CDH2: variants seen among roughly 807,000 people sequenced by gnomAD.
The protein encoded by CDH2 is cadherin-2.
CDH2 carries 17 observed loss-of-function variants against 92.0 expected under a neutral mutation model. That is an observed-to-expected ratio of 0.18 (90% confidence interval 0.13 to 0.28). CDH2 has a LOEUF of 0.28. CDH2 is among the 10% of genes least tolerant of loss of function. The pLI is 1.00. For missense variants in CDH2, 862 were observed against 1,133.1 expected (o/e 0.76, Z 3.44); for synonymous variants, 419 against 415.9 (o/e 1.01, Z -0.09).
intron 2 of CDH2, among the ~76,000 whole-genome samples, chr18:28,042,298 T>C (rs1037194546): frequency 1.3e-5 from 2 of 152,204 alleles, no homozygotes; most frequent in African/African-American, 4.8e-5. Context: ...ATTACTTTAG[T>C]AGCATTCCAG....
chr18:27,985,844 A>AC, intron 11 of CDH2, 83 bp from the exon 12 acceptor site: 1 of 813,766 alleles, frequency 1.2e-6, no homozygotes, highest in South Asian at 1.7e-5. Flanking sequence ...CAAAGCTTCT[A>AC]ACCTTCTGGC....
At chr18:28,021,544 T>C (rs2013410886) in intron 2 of CDH2, among the ~76,000 whole-genome samples, 1 of 152,002 alleles carries the variant, frequency 6.6e-6, no homozygotes, top group Admixed American at 6.6e-5. Flanking sequence ...TATTGTGTTC[T>C]AGCCCACATA....
intron 14 of CDH2, among the ~76,000 whole-genome samples, chr18:27,972,552 T>C (rs1312893516): frequency 6.6e-6 from 1 of 152,120 alleles, no homozygotes; most frequent in Non-Finnish European, 1.5e-5. Flanking sequence ...ACAGAACAAA[T>C]ATGCAACAAT....
chr18:28,069,614 C>G (rs191801948), intron 2 of CDH2, among the ~76,000 whole-genome samples: 130 of 152,238 alleles, frequency 8.5e-4, no homozygotes, highest in African/African-American at 2.9e-3. Flanking sequence ...CATTTACTAT[C>G]TCATCTATAT....
intron 2 of CDH2, among the ~76,000 whole-genome samples, chr18:28,072,552 T>A (rs2014639120): frequency 1.3e-5 from 2 of 152,218 alleles, no homozygotes; most frequent in Admixed American, 1.3e-4. Flanking sequence ...TAAACACTTG[T>A]ATCCTCTACA....
intron 7 of CDH2, among the ~76,000 whole-genome samples, chr18:27,995,954 G>T (rs1399680543): frequency 6.6e-6 from 1 of 152,146 alleles, no homozygotes; most frequent in East Asian, 1.9e-4. Flanking sequence ...GCCTAATTTG[G>T]TCATTGGGCA....
At chr18:27,965,216 TGA>T (rs1207054819) in intron 14 of CDH2, among the ~76,000 whole-genome samples, 1 of 152,192 alleles carries the variant, frequency 6.6e-6, no homozygotes, top group Non-Finnish European at 1.5e-5. Flanking sequence ...TTATGCTAAT[TGA>T]GATACTCTGA....
intron 1 of CDH2, among the ~76,000 whole-genome samples, chr18:28,173,923 G>A (rs934258272): frequency 1.3e-5 from 2 of 152,082 alleles, no homozygotes; most frequent in African/African-American, 4.8e-5. Context: ...CTTTTATCAG[G>A]TAAGCTGAAT....
intron 2 of CDH2, among the ~76,000 whole-genome samples, chr18:28,107,098 T>G (rs2015334193): frequency 6.6e-6 from 1 of 152,106 alleles, no homozygotes; most frequent in Non-Finnish European, 1.5e-5. Context: ...CTATAGTCCA[T>G]TTACTGCAGC....
intron 6 of CDH2, among the ~76,000 whole-genome samples, chr18:27,944,076 A>G (rs1909208971): frequency 6.6e-6 from 1 of 152,246 alleles, no homozygotes; most frequent in African/African-American, 2.4e-5. Context: ...AAAGCGATTT[A>G]AAATGAAAAT....
At chr18:28,074,721 T>C (rs897031165) in intron 2 of CDH2, among the ~76,000 whole-genome samples, 1 of 151,982 alleles carries the variant, frequency 6.6e-6, no homozygotes, top group Admixed American at 6.6e-5. Flanking sequence ...TAAATCTTTT[T>C]ATTCATCTTT....
At chr18:27,954,498 C>T (rs1909613918) in intron 15 of CDH2, 2 of 152,322 alleles carry the variant, frequency 1.3e-5, no homozygotes, top group South Asian at 4.1e-4. Context: ...TCCACTAATC[C>T]CCCTTTCCCC....
intron 2 of CDH2, among the ~76,000 whole-genome samples, chr18:28,062,552 G>A (rs1386846975): frequency 6.6e-6 from 1 of 152,162 alleles, no homozygotes; most frequent in African/African-American, 2.4e-5. Context: ...TCCATGCTGT[G>A]CAACTGAGTT....
intron 9 of CDH2, among the ~76,000 whole-genome samples, chr18:27,990,643 C>G (rs2012386602): frequency 6.6e-6 from 1 of 152,070 alleles, no homozygotes; most frequent in Non-Finnish European, 1.5e-5. Context: ...CTTGATTATT[C>G]TTAAGAATAG....
chr18:28,150,664 A>C (rs1459981349), intron 1 of CDH2, among the ~76,000 whole-genome samples: 1 of 152,156 alleles, frequency 6.6e-6, no homozygotes, highest in Non-Finnish European at 1.5e-5. Context: ...TTATTGAAAA[A>C]ATGCTCTTAA....
chr18:27,942,989 C>G (rs1279561112), intron 6 of CDH2, among the ~76,000 whole-genome samples: 2 of 152,122 alleles, frequency 1.3e-5, no homozygotes, highest in Admixed American at 6.5e-5. Context: ...CTGAGGTCTC[C>G]CATTCATCTC....
chr18:28,138,974 T>C (rs538785785), intron 2 of CDH2, among the ~76,000 whole-genome samples: 1 of 152,194 alleles, frequency 6.6e-6, no homozygotes, highest in South Asian at 2.1e-4. Flanking sequence ...TGGAAAACCA[T>C]CTGTCAAGGA....
chr18:28,008,213 G>A (rs559795621), intron 5 of CDH2, among the ~76,000 whole-genome samples: 44 of 152,140 alleles, frequency 2.9e-4, no homozygotes, highest in Non-Finnish European at 5.4e-4. Flanking sequence ...TTAGAAATTA[G>A]TCTAAGTAGA....
chr18:28,150,870 C>A (rs1423816355), intron 1 of CDH2, among the ~76,000 whole-genome samples: 1 of 152,198 alleles, frequency 6.6e-6, no homozygotes, highest in Non-Finnish European at 1.5e-5. Context: ...TAAAAACAAT[C>A]TCCATAAAAT....
Sources: gnomAD v4.1 joint callset for allele counts (sites outside exome capture counted in the v4.1 genomes callset) on GRCh38, gnomAD v4.1.1 for gene constraint, MANE v1.5 for transcripts, NCBI Gene and HGNC (gene_info 2026-07-23, HGNC 2026-07-21) for gene names.